Variants in TRAK1 observed in about 807,000 individuals in gnomAD.
TRAK1 encodes trafficking kinesin-binding protein 1.
A neutral mutation model predicts 92.1 loss-of-function variants in TRAK1; 33 were observed. The ratio of observed to expected loss-of-function variants is 0.36; its 90% CI spans 0.27 to 0.48. The LOEUF (loss-of-function observed/expected upper bound fraction) is 0.48. Among genes scored for constraint, TRAK1 ranks in the 20% least tolerant of loss-of-function variants. The probability of loss-of-function intolerance (pLI) is 0.99; values close to 1 mark genes in which losing one functional copy is unlikely to be tolerated. For missense variants in TRAK1, 1,123 were observed against 1,257.9 expected (o/e 0.89, Z 1.62); for synonymous variants, 521 against 517.3 (o/e 1.01, Z -0.10).
chr3:42,047,902 TC>T (rs34921385), intron 1 of TRAK1, among the ~76,000 whole-genome samples: 3 of 140,542 alleles, frequency 2.1e-5, no homozygotes, highest in Admixed American at 7.0e-5. Flanking sequence ...TTTAAAACAC[TC>T]CCCCCCATAG....
intron 2 of TRAK1, among the ~76,000 whole-genome samples, chr3:42,131,018 G>A (rs1312668913): frequency 6.6e-6 from 1 of 152,138 alleles, no homozygotes; most frequent in Non-Finnish European, 1.5e-5. Flanking sequence ...TGTCCACACG[G>A]TCACAGACAT....
intron 2 of TRAK1, among the ~76,000 whole-genome samples, chr3:42,140,196 C>A (rs1698473563): frequency 6.6e-6 from 1 of 152,198 alleles, no homozygotes; most frequent in Non-Finnish European, 1.5e-5. Flanking sequence ...GTTCCCCCAC[C>A]TTCCCCTGGA....
At chr3:42,036,877 G>A (rs1312227465) in intron 1 of TRAK1, among the ~76,000 whole-genome samples, 1 of 152,158 alleles carries the variant, frequency 6.6e-6, no homozygotes, top group Non-Finnish European at 1.5e-5. Context: ...AGCTTCCTGA[G>A]TAGCTAGGAT....
chr3:42,196,740 G>A (rs1207479499), intron 10 of TRAK1, among the ~76,000 whole-genome samples: 2 of 150,414 alleles, frequency 1.3e-5, no homozygotes, highest in East Asian at 3.9e-4. Flanking sequence ...TAGAGATGGG[G>A]TTTCACCATG....
intron 1 of TRAK1, among the ~76,000 whole-genome samples, chr3:42,044,585 C>T (rs1480702591): frequency 2.0e-5 from 3 of 152,206 alleles, no homozygotes; most frequent in Non-Finnish European, 4.4e-5. Context: ...AGGTTGGGCT[C>T]TGGAGCCAGA....
In TRAK1 at chr3:42,032,327, T is replaced by C. The variant is rs77940129; in HGVS notation, c.-519+18210T>C. On this transcript the variant is annotated intron_variant, in intron 1 of 16. Coordinates refer to the TRAK1 transcript ENST00000487159. Reference sequence around the variant, plus strand: ...GGTTAATGCAGAATGTGCTGCTCCTTCCCAGGCAGTGGCTGCAAGGCCTCT... The same window carrying C: ...GGTTAATGCAGAATGTGCTGCTCCTCCCCAGGCAGTGGCTGCAAGGCCTCT... Among the ~76,000 whole-genome samples the C allele has an allele frequency of 5.7e-4, 87 of 152,330 alleles. No homozygotes were observed. In the East Asian group the frequency reaches 0.015, roughly 27 times the overall value.
intron 1 of TRAK1, among the ~76,000 whole-genome samples, chr3:42,049,592 A>G (rs1702901519): frequency 6.6e-6 from 1 of 151,666 alleles, no homozygotes; most frequent in East Asian, 1.9e-4. Flanking sequence ...TGTTTTCTCA[A>G]TCTGGATATC....
intron 1 of TRAK1, 149 bp from the exon 2 acceptor site, chr3:42,125,271 G>A (rs1331869913): frequency 1.5e-6 from 1 of 681,046 alleles, no homozygotes; most frequent in Non-Finnish European, 2.4e-6. Context: ...AATTTAAATT[G>A]GAAAAAGACT....
At chr3:42,154,646 G>A (rs1700339742) in intron 2 of TRAK1, among the ~76,000 whole-genome samples, 1 of 152,024 alleles carries the variant, frequency 6.6e-6, no homozygotes, top group Non-Finnish European at 1.5e-5. Context: ...GCCCAAGCTG[G>A]TCTTGAACTC....
chr3:42,132,736 G>C (rs1030795904), intron 2 of TRAK1, among the ~76,000 whole-genome samples: 1 of 152,076 alleles, frequency 6.6e-6, no homozygotes, highest in Non-Finnish European at 1.5e-5. Context: ...GGCGTGCCCA[G>C]CCTGCTTCTG....
rs368343369 is a variant in TRAK1 at position 42,129,339 on chromosome 3, C to T, written c.286+3725C>T. On this transcript the variant is annotated intron_variant, in intron 2 of 15. Coordinates refer to ENST00000327628, the MANE Select transcript of TRAK1 (RefSeq NM_001042646.3). Reference sequence around the variant, plus strand: ...GATAAGGAGCGCTGGGGTTCTGATACGCTCCCCTACGTGAGAAATCCTAGA... The same window carrying T: ...GATAAGGAGCGCTGGGGTTCTGATATGCTCCCCTACGTGAGAAATCCTAGA... Among the ~76,000 whole-genome samples the T allele has an allele frequency of 1.4e-4, 22 of 152,178 alleles. 1 individual carries two copies. Among genetic ancestry groups the T allele is most frequent in the East Asian group, 1.4e-3 (7 of 5,180 alleles).
chr3:42,183,346 A>G (rs1704282799), intron 3 of TRAK1, among the ~76,000 whole-genome samples: 2 of 152,012 alleles, frequency 1.3e-5, no homozygotes, highest in African/African-American at 4.8e-5. Flanking sequence ...ACCTGAGATC[A>G]GGAGTTTGAG....
chr3:42,181,269 C>T lies in TRAK1; in HGVS notation c.364-3416C>T, dbSNP rs376961660. 1.1e-4 allele frequency among the ~76,000 whole-genome samples: 17 copies of T among 152,304 alleles called. No homozygotes were observed. In the East Asian group the frequency reaches 1.9e-3, roughly 17 times the overall value. The stretch of plus-strand genomic sequence containing the variant: ...GTACAAAATGCGGCTAAAGGCCGGG[C>T]GCAGTGGCTCACGCCTGTAATCCCA... On this transcript the variant is annotated intron_variant, in intron 3 of 15. Transcript: ENST00000327628.
intron 3 of TRAK1, among the ~76,000 whole-genome samples, chr3:42,181,475 C>T (rs1243586714): frequency 6.6e-6 from 1 of 152,164 alleles, no homozygotes; most frequent in African/African-American, 2.4e-5. Flanking sequence ...ACCTAGGTAG[C>T]GGAGGTTGCA....
At chr3:42,154,545 C>T (rs1184810751) in intron 2 of TRAK1, among the ~76,000 whole-genome samples, 1 of 152,062 alleles carries the variant, frequency 6.6e-6, no homozygotes, top group African/African-American at 2.4e-5. Context: ...GTGGCATGAT[C>T]AAGACTCATT....
At chr3:42,058,862 G>A (rs1703309581) in intron 1 of TRAK1, among the ~76,000 whole-genome samples, 1 of 152,092 alleles carries the variant, frequency 6.6e-6, no homozygotes, top group Admixed American at 6.6e-5. Context: ...AAGGACGATT[G>A]GCTATAAGAC....
intron 1 of TRAK1, among the ~76,000 whole-genome samples, chr3:42,111,639 C>T (rs1423936761): frequency 2.0e-5 from 3 of 152,148 alleles, no homozygotes; most frequent in East Asian, 3.9e-4. Flanking sequence ...TCGTGATCCT[C>T]CCACCTAGGC....
rs115655013 is a variant in TRAK1 at position 42,171,372 on chromosome 3, A to T, written c.287-5442A>T. Among the ~76,000 whole-genome samples, 1,055 of 152,300 alleles carry T rather than the reference A, an allele frequency of 6.9e-3. 12 individuals are homozygous for T. Among genetic ancestry groups the T allele is most frequent in the African/African-American group, 0.024 (1,003 of 41,556 alleles). ...CTCCAAAATACATGAATGGGAAGTGAGGTTTTCTAACTATATTTTCTTAAA... is the reference window on the plus strand; with the variant it reads ...CTCCAAAATACATGAATGGGAAGTGTGGTTTTCTAACTATATTTTCTTAAA... On this transcript the variant is annotated intron_variant, in intron 2 of 15. Coordinates refer to ENST00000327628, the MANE Select transcript of TRAK1 (RefSeq NM_001042646.3).
At chr3:42,201,259 G>T (rs1481811229) in intron 12 of TRAK1, among the ~76,000 whole-genome samples, 4 of 152,168 alleles carry the variant, frequency 2.6e-5, no homozygotes, top group Non-Finnish European at 4.4e-5. Flanking sequence ...AGGAGTTTGA[G>T]ACCAGCCTGG....
Sources: allele counts gnomAD v4.1 joint callset (sites outside exome capture counted in the v4.1 genomes callset), GRCh38; gene constraint gnomAD v4.1.1; transcripts MANE v1.5; gene names NCBI Gene and HGNC (gene_info 2026-07-23, HGNC 2026-07-21).